The following TAFA1 variants were observed in gnomAD, a reference collection of about 807,000 sequenced individuals.
TAFA1 encodes the protein TAFA chemokine like family member 1.
Under a neutral mutation model 18.5 loss-of-function variants are expected in TAFA1, and 4 were observed. The ratio of observed to expected loss-of-function variants is 0.22; its 90% CI spans 0.11 to 0.49. The LOEUF is 0.49. Among genes scored for constraint, TAFA1 ranks in the 20% least tolerant of loss-of-function variants. The pLI is 0.98. For synonymous variants in TAFA1, 56 were observed against 55.2 expected, an observed-to-expected ratio of 1.01 and a Z score of -0.06; for missense variants, 147 against 169.0, an observed-to-expected ratio of 0.87 and a Z score of 0.72.
intron 2 of TAFA1, among the ~76,000 whole-genome samples, chr3:68,341,254 A>ACCAACC (rs1291167251): frequency 2.6e-5 from 4 of 152,056 alleles, no homozygotes; most frequent in Non-Finnish European, 4.4e-5. Flanking sequence ...AGAAGTAGGG[A>ACCAACC]GTACTGGTTG....
chr3:68,329,651 T>G (rs2106726162), intron 2 of TAFA1, among the ~76,000 whole-genome samples: 1 of 152,298 alleles, frequency 6.6e-6, no homozygotes, highest in African/African-American at 2.4e-5. Flanking sequence ...GACCATTGGC[T>G]TTCTACAAGC....
At chr3:68,307,096 G>C (rs2068436408) in intron 2 of TAFA1, among the ~76,000 whole-genome samples, 2 of 152,066 alleles carry the variant, frequency 1.3e-5, no homozygotes, top group South Asian at 4.1e-4. Flanking sequence ...GTATTGTTGG[G>C]ATAATGTATG....
In TAFA1 at chr3:68,163,149, G is replaced by A. The variant is rs535403458; in HGVS notation, c.118+156405G>A. Among the ~76,000 whole-genome samples, 41 of 152,052 alleles carry A rather than the reference G, an allele frequency of 2.7e-4. 1 individual carries two copies. In the East Asian group the frequency reaches 6.4e-3, roughly 24 times the overall value. ...CATAACAATTTATTTTTCTTTCTAC[G>A]TAATCTTCTGAAGGACTACTCTTTT... On this transcript the variant is annotated intron_variant, in intron 2 of 4. Transcript: ENST00000478136.
At chr3:68,120,637 A>G (rs1024050641) in intron 2 of TAFA1, among the ~76,000 whole-genome samples, 2 of 152,186 alleles carry the variant, frequency 1.3e-5, no homozygotes, top group African/African-American at 4.8e-5. Context: ...GAGGTTCACA[A>G]ACTTAAAGAA....
At chr3:68,259,210 A>G (rs574556030) in intron 2 of TAFA1, among the ~76,000 whole-genome samples, 1 of 152,288 alleles carries the variant, frequency 6.6e-6, no homozygotes, top group East Asian at 1.9e-4. Context: ...AAATTATGCC[A>G]TTAGGGATTT....
chr3:68,072,432 T>C (rs2064767746), intron 2 of TAFA1, among the ~76,000 whole-genome samples: 2 of 152,126 alleles, frequency 1.3e-5, no homozygotes, highest in Non-Finnish European at 1.5e-5. Context: ...GGTGGTGTTT[T>C]AGTTGTTTCC....
chr3:68,277,106 A>G (rs1047330317), intron 2 of TAFA1, among the ~76,000 whole-genome samples: 6 of 152,128 alleles, frequency 3.9e-5, no homozygotes, highest in African/African-American at 1.2e-4. Flanking sequence ...AACAAGATAT[A>G]TAAGTTATCT....
At chr3:68,302,368 C>T (rs934071690) in intron 2 of TAFA1, among the ~76,000 whole-genome samples, 3 of 152,218 alleles carry the variant, frequency 2.0e-5, no homozygotes, top group Middle Eastern at 3.4e-3. Flanking sequence ...TGGCACTTCC[C>T]ACTCAGAGAA....
intron 2 of TAFA1, among the ~76,000 whole-genome samples, chr3:68,187,451 G>A (rs2066284739): frequency 1.3e-5 from 2 of 151,950 alleles, no homozygotes; most frequent in Admixed American, 1.3e-4. Flanking sequence ...ACTTTCTATG[G>A]TGGGCTGATA....
intron 3 of TAFA1, among the ~76,000 whole-genome samples, chr3:68,524,734 G>A (rs906595606): frequency 2.6e-5 from 4 of 151,760 alleles, no homozygotes; most frequent in African/African-American, 4.8e-5. Flanking sequence ...GCAGTGGTGC[G>A]ATCTCGGCTC....
At chr3:68,471,473 A>G (rs906219265) in intron 3 of TAFA1, among the ~76,000 whole-genome samples, 3 of 152,192 alleles carry the variant, frequency 2.0e-5, no homozygotes, top group African/African-American at 4.8e-5. Context: ...CTGAAAAACC[A>G]GAGGGGTGGA....
chr3:68,471,129 C>G (rs1329708726), intron 3 of TAFA1, among the ~76,000 whole-genome samples: 1 of 152,228 alleles, frequency 6.6e-6, no homozygotes, highest in Non-Finnish European at 1.5e-5. Flanking sequence ...GGTATTGAGT[C>G]TGCAGGTGCA....
chr3:68,066,992 G>C (rs1180877969), intron 2 of TAFA1, among the ~76,000 whole-genome samples: 1 of 152,124 alleles, frequency 6.6e-6, no homozygotes, highest in Non-Finnish European at 1.5e-5. Context: ...TCTTTGACAT[G>C]GTATCAAGCA....
At chr3:68,031,884 A>G (rs1158103786) in intron 2 of TAFA1, among the ~76,000 whole-genome samples, 1 of 152,188 alleles carries the variant, frequency 6.6e-6, no homozygotes, top group East Asian at 1.9e-4. Context: ...ATTGTGATAA[A>G]CCAAGCCAGA....
At chr3:68,331,343 A>G (rs896612819) in intron 2 of TAFA1, among the ~76,000 whole-genome samples, 13 of 152,262 alleles carry the variant, frequency 8.5e-5, no homozygotes, top group Admixed American at 3.3e-4. Flanking sequence ...GCCTGAAGAA[A>G]ATGTTCTCAA....
chr3:68,545,131 C>A lies in TAFA1; in HGVS notation c.*628C>A, dbSNP rs2073437593. 6.6e-6 allele frequency: 1 copy of A among 152,528 alleles called. No individual in the cohort carries two copies. The highest frequency in any genetic ancestry group is 2.4e-5 in the African/African-American group (1 of 41,412). 9.4% of individuals were successfully genotyped at this position (152,528 alleles called of 1,614,324 possible). A position where few individuals can be genotyped will look rare whatever the true frequency, so the allele number is the denominator to read the frequency against. On this transcript the variant is annotated 3_prime_UTR_variant, in exon 5 of 5. Coordinates refer to ENST00000478136, the MANE Select transcript of TAFA1 (RefSeq NM_213609.4). ...CATCGTCCTGTTTTATTGCTTTCTACCCTGTGCAATATTAGCATGCAAGCT... is the reference window on the plus strand; with the variant it reads ...CATCGTCCTGTTTTATTGCTTTCTAACCTGTGCAATATTAGCATGCAAGCT...
At chr3:68,102,497 A>G (rs1186954952) in intron 2 of TAFA1, among the ~76,000 whole-genome samples, 1 of 152,198 alleles carries the variant, frequency 6.6e-6, no homozygotes, top group Non-Finnish European at 1.5e-5. Context: ...ATTAACCGTT[A>G]AAATGCACAG....
chr3:68,266,441 C>T (rs765682728), intron 2 of TAFA1, among the ~76,000 whole-genome samples: 3 of 152,008 alleles, frequency 2.0e-5, no homozygotes, highest in Non-Finnish European at 4.4e-5. Flanking sequence ...TCTCTGACAC[C>T]CCTTCACTAC....
chr3:68,529,751 C>G (rs1315177856), intron 3 of TAFA1, among the ~76,000 whole-genome samples: 1 of 152,068 alleles, frequency 6.6e-6, no homozygotes, highest in Non-Finnish European at 1.5e-5. Context: ...ACAACCAGCT[C>G]TCGTGGGAAC....
Sources: allele counts gnomAD v4.1 joint callset (sites outside exome capture counted in the v4.1 genomes callset), GRCh38; gene constraint gnomAD v4.1.1; transcripts MANE v1.5; gene names NCBI Gene and HGNC (gene_info 2026-07-23, HGNC 2026-07-21).